Variants in DIP2B observed in about 807,000 individuals in gnomAD.
DIP2B encodes DIP2 acetate--CoA ligase B (putative).
DIP2B carries 76 observed loss-of-function variants against 198.0 expected under a neutral mutation model. The observed-to-expected ratio is 0.38, with a 90% CI of 0.32 to 0.46. The LOEUF (loss-of-function observed/expected upper bound fraction) is 0.46. DIP2B is among the 20% of genes least tolerant of loss of function. The pLI, the probability that DIP2B is intolerant of heterozygous loss-of-function variation, is 0.99. For synonymous variants in DIP2B, 701 were observed against 739.1 expected, an observed-to-expected ratio of 0.95 and a Z score of 0.84; for missense variants, 1,559 against 1,978.4, an observed-to-expected ratio of 0.79 and a Z score of 4.02.
chr12:50,650,595 C>G, intron 3 of DIP2B, among the ~76,000 whole-genome samples: 1 of 152,204 alleles, frequency 6.6e-6, no homozygotes, highest in South Asian at 2.1e-4. Context: ...TTACTCTGCA[C>G]AGTGTCCTCA....
chr12:50,510,803 G>A (rs562771153), intron 1 of DIP2B, among the ~76,000 whole-genome samples: 2 of 151,780 alleles, frequency 1.3e-5, no homozygotes, highest in Non-Finnish European at 2.9e-5. Flanking sequence ...GTGCCACCAC[G>A]CCTGGCTAAT....
At chr12:50,519,805 G>T (rs1958099295) in intron 1 of DIP2B, among the ~76,000 whole-genome samples, 3 of 79,574 alleles carry the variant, frequency 3.8e-5, no homozygotes, top group Non-Finnish European at 8.3e-5. Context: ...GTTTTTCTTG[G>T]AGGTTTTTTT....
chr12:50,575,804 C>T (rs1202293454), intron 1 of DIP2B, among the ~76,000 whole-genome samples: 1 of 152,158 alleles, frequency 6.6e-6, no homozygotes, highest in Non-Finnish European at 1.5e-5. Context: ...GTCGCCCAGG[C>T]TGGAGTGCAG....
chr12:50,722,641 A>T (rs529016436), intron 26 of DIP2B, among the ~76,000 whole-genome samples: 1 of 152,278 alleles, frequency 6.6e-6, no homozygotes, highest in South Asian at 2.1e-4. Context: ...CCACCATTAC[A>T]TGCCCAGGAG....
At chr12:50,638,977 A>G (rs1938207466) in intron 2 of DIP2B, among the ~76,000 whole-genome samples, 3 of 152,166 alleles carry the variant, frequency 2.0e-5, no homozygotes, top group Admixed American at 1.3e-4. Flanking sequence ...CAGGAGCTCA[A>G]AAAGTTTCGG....
chr12:50,672,743 C>G (rs148545408), intron 5 of DIP2B, among the ~76,000 whole-genome samples: 1 of 152,050 alleles, frequency 6.6e-6, no homozygotes, highest in African/African-American at 2.4e-5. Flanking sequence ...ATCCTACCTC[C>G]CATGGGTAAT....
At chr12:50,593,905 C>T (rs1312396589) in intron 1 of DIP2B, among the ~76,000 whole-genome samples, 5 of 58,614 alleles carry the variant, frequency 8.5e-5, no homozygotes, top group Admixed American at 2.1e-4. Context: ...CCCTCTCCTC[C>T]CCTCCCCTCT....
chr12:50,666,803 C>T (rs1000939228), intron 4 of DIP2B, among the ~76,000 whole-genome samples: 9 of 151,916 alleles, frequency 5.9e-5, no homozygotes, highest in African/African-American at 2.2e-4. Context: ...GGGTGGATCA[C>T]GAGGTCAGGA....
Position 50,505,103 on chromosome 12 carries a change from CCT to C in DIP2B, c.-33_-32del. 6.6e-7 allele frequency: 1 copy of C among 1,520,548 alleles called. No homozygotes were observed. The allele number at this position is 1,520,548 out of a possible 1,614,324, so 94.2% of individuals were successfully genotyped here. A position where few individuals can be genotyped will look rare whatever the true frequency, so the allele number is the denominator to read the frequency against. On this transcript the variant is annotated 5_prime_UTR_variant, in exon 1 of 38. Transcript: ENST00000301180. ...TGTCTGTCCGTCCCTCCTTCGGCCCCCTCTCTTGTCTTCCGGAGTGTGGCTGG... is the reference window on the plus strand; with the variant it reads ...TGTCTGTCCGTCCCTCCTTCGGCCCCCTCTTGTCTTCCGGAGTGTGGCTGG...
At chr12:50,732,615 G>C in intron 32 of DIP2B, 79 bp downstream of exon 32, 2 of 1,557,740 alleles carry the variant, frequency 1.3e-6, no homozygotes, top group Non-Finnish European at 1.7e-6. Flanking sequence ...TTGGAGCCAG[G>C]CTGCCTGGGC....
At chr12:50,506,843 T>A (rs1308471120) in intron 1 of DIP2B, among the ~76,000 whole-genome samples, 2 of 152,200 alleles carry the variant, frequency 1.3e-5, no homozygotes, top group East Asian at 1.9e-4. Flanking sequence ...AAACTGCTAT[T>A]TGAAAGTAAC....
At chr12:50,582,834 G>A (rs972230803) in intron 1 of DIP2B, among the ~76,000 whole-genome samples, 3 of 152,078 alleles carry the variant, frequency 2.0e-5, no homozygotes, top group South Asian at 2.1e-4. Context: ...TCCCCTGATG[G>A]TATGCACATT....
At chr12:50,732,235 T>A in intron 31 of DIP2B, 131 bp from the exon 32 acceptor site, 1 of 965,868 alleles carries the variant, frequency 1.0e-6, no homozygotes, top group South Asian at 1.9e-5. Flanking sequence ...GCTGCTTTTT[T>A]CTCTGTGTGC....
chr12:50,635,405 G>T (rs1363575091), intron 2 of DIP2B, among the ~76,000 whole-genome samples: 1 of 152,150 alleles, frequency 6.6e-6, no homozygotes, highest in Admixed American at 6.5e-5. Context: ...TATGAAGATA[G>T]TTATTAATAT....
chr12:50,593,691 TTCTCC>T (rs1486489653), intron 1 of DIP2B, among the ~76,000 whole-genome samples: 2 of 88,936 alleles, frequency 2.2e-5, no homozygotes, highest in African/African-American at 8.7e-5. Flanking sequence ...ATACACTCTT[TTCTCC>T]TCTCCTCTCC....
chr12:50,681,513 T>C (rs1411925553), intron 9 of DIP2B, among the ~76,000 whole-genome samples: 3 of 152,198 alleles, frequency 2.0e-5, no homozygotes, highest in Non-Finnish European at 4.4e-5. Context: ...GGAAGATTCA[T>C]GTTACTTTTA....
At chr12:50,741,971 T>C (rs1940251928) in intron 37 of DIP2B, among the ~76,000 whole-genome samples, 1 of 152,210 alleles carries the variant, frequency 6.6e-6, no homozygotes, top group Non-Finnish European at 1.5e-5. Flanking sequence ...TTGTAAACTA[T>C]TAAATGGTAA....
intron 37 of DIP2B, 44 bp from the exon 38 acceptor site, chr12:50,744,543 G>A (rs751294077): frequency 6.2e-7 from 1 of 1,606,088 alleles, no homozygotes; most frequent in South Asian, 1.1e-5. Flanking sequence ...AAAGATAACT[G>A]AAAAATGTAG....
chr12:50,516,013 A>C (rs1958060093), intron 1 of DIP2B, among the ~76,000 whole-genome samples: 1 of 152,184 alleles, frequency 6.6e-6, no homozygotes, highest in Non-Finnish European at 1.5e-5. Context: ...ACAGTTTGGA[A>C]GCTAGGAAGT....
Sources: gnomAD v4.1 joint callset for allele counts (sites outside exome capture counted in the v4.1 genomes callset) on GRCh38, gnomAD v4.1.1 for gene constraint, MANE v1.5 for transcripts, NCBI Gene and HGNC (gene_info 2026-07-23, HGNC 2026-07-21) for gene names.